The following ARFGEF2 variants were observed in gnomAD, a reference collection of about 807,000 sequenced individuals.
The protein encoded by ARFGEF2 is brefeldin A-inhibited guanine nucleotide-exchange protein 2.
ARFGEF2 carries 74 observed loss-of-function variants against 219.9 expected under a neutral mutation model. The ratio of observed to expected loss-of-function variants is 0.34; its 90% CI spans 0.28 to 0.41. The LOEUF (loss-of-function observed/expected upper bound fraction) is 0.41, where lower values mean the gene tolerates loss of function less well. Ranked by LOEUF, ARFGEF2 falls within the 10% of genes least tolerant of loss-of-function variation. The probability of loss-of-function intolerance (pLI) is 1.00; values close to 1 mark genes in which losing one functional copy is unlikely to be tolerated. For synonymous variants in ARFGEF2, 733 were observed against 799.2 expected, an observed-to-expected ratio of 0.92 and a Z score of 1.40; for missense variants, 1,743 against 2,218.3, an observed-to-expected ratio of 0.79 and a Z score of 4.30.
intron 8 of ARFGEF2, 39 bp from the exon 9 acceptor site, chr20:48,969,108 G>C (rs1320580475): frequency 6.2e-7 from 1 of 1,607,122 alleles, no homozygotes; most frequent in Non-Finnish European, 8.5e-7. Context: ...CTACAGGTGG[G>C]TGCCACCACA....
At chr20:48,977,755 G>A (rs1001586212) in intron 14 of ARFGEF2, among the ~76,000 whole-genome samples, 3 of 152,138 alleles carry the variant, frequency 2.0e-5, no homozygotes, top group East Asian at 3.9e-4. Context: ...TCATGTGTCC[G>A]TTGGCTACAT....
chr20:49,003,911 A>G (rs1342738269), intron 25 of ARFGEF2, among the ~76,000 whole-genome samples: 1 of 152,220 alleles, frequency 6.6e-6, no homozygotes, highest in Non-Finnish European at 1.5e-5. Context: ...TATTTATTTT[A>G]TAGTCATTTG....
At chr20:48,925,569 TTC>T (rs765941498) in intron 1 of ARFGEF2, among the ~76,000 whole-genome samples, 16 of 152,162 alleles carry the variant, frequency 1.1e-4, no homozygotes, top group Non-Finnish European at 2.1e-4. Context: ...GGCACTGTGG[TTC>T]ATGCCTGTAA....
chr20:48,952,652 G>C, intron 4 of ARFGEF2, 53 bp from the exon 5 acceptor site: 1 of 1,561,980 alleles, frequency 6.4e-7, no homozygotes, highest in South Asian at 1.1e-5. Flanking sequence ...CCATAGGAGG[G>C]CAGGAAGGTG....
At chr20:48,957,298 A>G (rs1312506325) in intron 6 of ARFGEF2, among the ~76,000 whole-genome samples, 1 of 152,218 alleles carries the variant, frequency 6.6e-6, no homozygotes, top group Non-Finnish European at 1.5e-5. Flanking sequence ...AAGGCTGAGA[A>G]ATGTAGGCAC....
At position 48,998,281 on chromosome 20, in the gene ARFGEF2, A is replaced by G. The variant is rs370074246; in HGVS notation, c.3262+48A>G. On this transcript the variant is annotated intron_variant, in intron 24 of 38. Transcript: ENST00000371917. Reference sequence around the variant, plus strand: ...AAAACTGCAGAAGCCTCACGCTGTGACCGTCTGACTGTTCCTAACGAGGCT... The same window carrying G: ...AAAACTGCAGAAGCCTCACGCTGTGGCCGTCTGACTGTTCCTAACGAGGCT... The G allele has an allele frequency of 2.5e-4, 407 of 1,614,022 alleles. 1 individual carries two copies. Among genetic ancestry groups the G allele is most frequent in the Admixed American group, 3.5e-4 (21 of 60,004 alleles).
intron 25 of ARFGEF2, among the ~76,000 whole-genome samples, chr20:49,004,377 A>G (rs768088887): frequency 6.6e-6 from 1 of 152,116 alleles, no homozygotes; most frequent in Non-Finnish European, 1.5e-5. Context: ...TGGCTTCACA[A>G]TAGTATGAAT....
intron 3 of ARFGEF2, among the ~76,000 whole-genome samples, chr20:48,942,655 T>C (rs968011287): frequency 6.6e-6 from 1 of 151,988 alleles, no homozygotes; most frequent in African/African-American, 2.4e-5. Context: ...CGGCTAATTT[T>C]TTGTATTTTT....
chr20:48,995,358 G>A (rs2091379734), intron 22 of ARFGEF2, among the ~76,000 whole-genome samples: 1 of 152,126 alleles, frequency 6.6e-6, no homozygotes, highest in East Asian at 1.9e-4. Context: ...CTGGAAAAAT[G>A]GGGAATTGTA....
chr20:49,031,905 A>G (rs1031229840), intron 37 of ARFGEF2, 144 bp from the exon 38 acceptor site: 33 of 729,646 alleles, frequency 4.5e-5, no homozygotes, highest in Admixed American at 4.1e-4. Flanking sequence ...GCCGCAGAGC[A>G]AGACCCTGTC....
chr20:48,991,855 A>C (rs570067233), intron 21 of ARFGEF2, among the ~76,000 whole-genome samples: 1 of 152,232 alleles, frequency 6.6e-6, no homozygotes, highest in Non-Finnish European at 1.5e-5. Flanking sequence ...AGACAGGCAG[A>C]TAGTATGTGC....
chr20:48,972,673 G>T (rs1417310811), intron 11 of ARFGEF2, among the ~76,000 whole-genome samples: 3 of 152,050 alleles, frequency 2.0e-5, no homozygotes, highest in Admixed American at 1.3e-4. Context: ...CGTCAAACTG[G>T]GACACTTGGT....
intron 1 of ARFGEF2, among the ~76,000 whole-genome samples, chr20:48,936,287 C>T (rs1296518116): frequency 2.1e-5 from 3 of 142,150 alleles, no homozygotes; most frequent in East Asian, 4.4e-4. Flanking sequence ...GGCGGCTGGC[C>T]AGGCGGGGGG....
At chr20:48,977,240 T>TC (rs955582128) in intron 14 of ARFGEF2, among the ~76,000 whole-genome samples, 2 of 151,978 alleles carry the variant, frequency 1.3e-5, no homozygotes, top group Admixed American at 1.3e-4. Context: ...TGGTTTTCTG[T>TC]CCTTGTGATA....
intron 1 of ARFGEF2, among the ~76,000 whole-genome samples, chr20:48,926,794 CAA>C (rs2090879579): frequency 6.6e-6 from 1 of 152,166 alleles, no homozygotes. Context: ...GTACAGCAGG[CAA>C]TGGGAGACCA....
chr20:49,002,269 A>G (rs1227170095), intron 25 of ARFGEF2, among the ~76,000 whole-genome samples: 2 of 152,242 alleles, frequency 1.3e-5, no homozygotes, highest in Admixed American at 6.5e-5. Context: ...GATTAAAAAA[A>G]TAGAATAACC....
chr20:48,987,408 G>A (rs1277621906), intron 16 of ARFGEF2, among the ~76,000 whole-genome samples: 1 of 152,008 alleles, frequency 6.6e-6, no homozygotes, highest in Non-Finnish European at 1.5e-5. Flanking sequence ...CTTGCCTAAG[G>A]CAAAAAAGTC....
At position 48,971,252 on chromosome 20, in the gene ARFGEF2, C is replaced by T. The variant is rs1228963342; in HGVS notation, c.1323C>T (p.Ser441=). ...AGCAATATCTCTGTGTGGCCTTGTC[C>T]AAAAACGGCGTCTCTTCAGTGCCTG... The part of the protein sequence containing the change: ...AIKQYLCVAL[S]KNGVSSVPDV... Residue 441 remains serine (S), a synonymous_variant, in exon 10 of 39, where the codon TCC becomes TCT. Coordinates refer to ENST00000371917, the MANE Select transcript of ARFGEF2 (RefSeq NM_006420.3). 1 of 1,614,152 alleles carries T rather than the reference C, an allele frequency of 6.2e-7. No individual in the cohort carries two copies. Among genetic ancestry groups the T allele is most frequent in the Admixed American group, 1.7e-5 (1 of 60,016 alleles).
Position 49,013,960 on chromosome 20 carries a change from G to T in ARFGEF2, c.4179G>T (p.Glu1393Asp). The T allele has an allele frequency of 3.1e-6, 5 of 1,613,970 alleles. No individual in the cohort carries two copies. The highest frequency in any genetic ancestry group is 4.2e-6 in the Non-Finnish European group (5 of 1,179,932). Residue 1393 changes from glutamate to aspartate, a missense_variant and splice_region_variant, in exon 30 of 39, where the codon GAG becomes GAT. Around this residue, in one of 5 missense-constraint regions of ARFGEF2, gnomAD observed 578 missense variants for 664.0 expected, o/e 0.87. Transcript: ENST00000371917. ...DNMKLPEQLSEKSEWMTTTCN... is the reference protein window; with the variant it reads ...DNMKLPEQLSDKSEWMTTTCN... The stretch of plus-strand genomic sequence containing the variant: ...TGAAACTCCCTGAGCAACTGTCAGA[G>T]GTAGGTGATAACTACAGCACTGCCC...
Sources: gnomAD v4.1 joint callset for allele counts (sites outside exome capture counted in the v4.1 genomes callset) on GRCh38, gnomAD v4.1.1 for gene constraint, gnomAD v4.1.1 regional missense constraint, MANE v1.5 for transcripts, NCBI Gene and HGNC (gene_info 2026-07-23, HGNC 2026-07-21) for gene names.